ZNF362: variants seen among roughly 807,000 people sequenced by gnomAD.
ZNF362 encodes the protein rotund homolog.
Under a neutral mutation model 42.9 loss-of-function variants are expected in ZNF362, and 11 were observed. The ratio of observed to expected loss-of-function variants is 0.26; its 90% CI spans 0.16 to 0.42. The LOEUF is 0.42. Ranked by LOEUF, ZNF362 falls within the 20% of genes least tolerant of loss-of-function variation. The probability of loss-of-function intolerance (pLI) is 1.00; values close to 1 mark genes in which losing one functional copy is unlikely to be tolerated. For missense variants in ZNF362, 362 were observed against 576.2 expected (o/e 0.63, Z 3.81); for synonymous variants, 255 against 257.3 (o/e 0.99, Z 0.09).
At chr1:33,261,570 C>T (rs539335391) in intron 1 of ZNF362, 5 of 152,302 alleles carry the variant, frequency 3.3e-5, no homozygotes, top group African/African-American at 1.2e-4. Context: ...TTCTGAGTTC[C>T]TATCTCTTTA....
At chr1:33,198,267 C>G in the ZNF362 span, among the ~76,000 whole-genome samples, 1 of 152,054 alleles carries the variant, frequency 6.6e-6, no homozygotes, top group Non-Finnish European at 1.5e-5. Context: ...TAAATCCTAG[C>G]ACTTTGGGAG....
At chr1:33,250,859 G>GAAGAAGAA in the ZNF362 span, among the ~76,000 whole-genome samples, 1 of 141,656 alleles carries the variant, frequency 7.1e-6, no homozygotes, top group African/African-American at 2.7e-5. Flanking sequence ...GAAGGAAGAA[G>GAAGAAGAA]AAGAAGAAGA....
the ZNF362 span, among the ~76,000 whole-genome samples, chr1:33,238,132 C>T: frequency 6.6e-6 from 1 of 151,952 alleles, no homozygotes; most frequent in South Asian, 2.1e-4. Context: ...GCCTGGCCAA[C>T]ATAGTGAAAC....
chr1:33,144,868 C>T, the ZNF362 span, among the ~76,000 whole-genome samples: 680 of 152,332 alleles, frequency 4.5e-3, 6 homozygotes, highest in African/African-American at 0.015. Flanking sequence ...ACCCATACAG[C>T]TCCAGGCACT....
At chr1:33,276,271 C>T (rs1433024898) in intron 3 of ZNF362, 77 bp from the exon 4 acceptor site, 27 of 1,561,712 alleles carry the variant, frequency 1.7e-5, no homozygotes, top group East Asian at 6.9e-5. Context: ...GCGAGGGGCT[C>T]GCGGGTGGAC....
chr1:33,298,283 G>C (rs1253609837), intron 8 of ZNF362, among the ~76,000 whole-genome samples: 2 of 152,212 alleles, frequency 1.3e-5, no homozygotes, highest in African/African-American at 4.8e-5. Context: ...CCAGGAGGTT[G>C]AGGCTGTGGT....
At chr1:33,249,446 C>T in the ZNF362 span, among the ~76,000 whole-genome samples, 1 of 152,204 alleles carries the variant, frequency 6.6e-6, no homozygotes, top group Non-Finnish European at 1.5e-5. Context: ...TCCTGCTCAG[C>T]TCATGGACAG....
the ZNF362 span, among the ~76,000 whole-genome samples, chr1:33,186,203 C>CT: frequency 6.6e-6 from 1 of 152,144 alleles, no homozygotes; most frequent in African/African-American, 2.4e-5. Flanking sequence ...AAGGGACACC[C>CT]TGCCTTCTTG....
the ZNF362 span, among the ~76,000 whole-genome samples, chr1:33,236,502 C>T: frequency 3.6e-5 from 4 of 110,712 alleles, no homozygotes; most frequent in Non-Finnish European, 7.1e-5. Context: ...TAGCCTCCAG[C>T]CTGGGTGACA....
intron 6 of ZNF362, among the ~76,000 whole-genome samples, chr1:33,285,588 G>C (rs1420559575): frequency 6.6e-6 from 1 of 152,056 alleles, no homozygotes; most frequent in Non-Finnish European, 1.5e-5. Context: ...CATTAGATTA[G>C]GTTTTTTTGG....
chr1:33,294,912 G>A lies in ZNF362; in HGVS notation c.909-25G>A, dbSNP rs931679086. On this transcript the variant is annotated intron_variant, in intron 6 of 8. Coordinates refer to ENST00000539719, the MANE Select transcript of ZNF362 (RefSeq NM_152493.3). This position sits in a 1 kb window ranked among gnomAD's most constrained non-coding sequence, Gnocchi z 4.2. The stretch of plus-strand genomic sequence containing the variant: ...TCTTGGGGTGTGTGTCAGGGACTTC[G>A]ACCTTACTGGGCTGCCCATTACAGA... 7.4e-6 allele frequency: 12 copies of A among 1,613,714 alleles called. No individual in the cohort carries two copies. Among genetic ancestry groups the A allele is most frequent in the East Asian group, 2.2e-5 (1 of 44,872 alleles).
the ZNF362 span, among the ~76,000 whole-genome samples, chr1:33,250,111 C>G: frequency 2.0e-5 from 3 of 152,118 alleles, no homozygotes; most frequent in African/African-American, 7.2e-5. Context: ...CATACAGCAC[C>G]CACTATGCAC....
At chr1:33,291,496 C>T (rs28880434) in intron 6 of ZNF362, among the ~76,000 whole-genome samples, 25,736 of 152,166 alleles carry the variant, frequency 0.17, 2,702 homozygotes, top group South Asian at 0.26. Context: ...AGTCAGGTAG[C>T]GTGATGCTTC....
At chr1:33,227,484 T>A in the ZNF362 span, among the ~76,000 whole-genome samples, 1 of 152,142 alleles carries the variant, frequency 6.6e-6, no homozygotes, top group East Asian at 1.9e-4. Flanking sequence ...CATTCCCAGC[T>A]AAGCCCAGCC....
chr1:33,195,141 A>G, the ZNF362 span: 1 of 152,256 alleles, frequency 6.6e-6, no homozygotes, highest in Non-Finnish European at 1.5e-5. Flanking sequence ...GTGGACTAAT[A>G]CCTTTGAAGT....
At position 33,264,172 on chromosome 1, in the gene ZNF362, C is replaced by T. The variant is rs985174083; in HGVS notation, c.-88-6315C>T. Among the ~76,000 whole-genome samples, 4 of 152,204 alleles carry T rather than the reference C, an allele frequency of 2.6e-5. No homozygotes were observed. In the East Asian group the frequency reaches 5.8e-4, roughly 22 times the overall value. On this transcript the variant is annotated intron_variant, in intron 1 of 8. Coordinates refer to ENST00000539719, the MANE Select transcript of ZNF362 (RefSeq NM_152493.3). The stretch of plus-strand genomic sequence containing the variant: ...CCCCTGAGACCTGTCTAGAAAGCTC[C>T]TGGGGGCCGGGCCAGAGCCAGGGTC...
chr1:33,191,248 A>C, the ZNF362 span, among the ~76,000 whole-genome samples: 3 of 152,146 alleles, frequency 2.0e-5, no homozygotes, highest in Admixed American at 2.0e-4. Flanking sequence ...TGTAGTTTCT[A>C]CCTCCTGATT....
rs1645994130 is a variant in ZNF362 at position 33,281,509 on chromosome 1, C to G, written c.684-78C>G. 1 of 1,411,242 alleles carries G rather than the reference C, an allele frequency of 7.1e-7. No homozygotes were observed. The highest frequency in any genetic ancestry group is 1.8e-5 in the Admixed American group (1 of 56,840). The allele number at this position is 1,411,242 out of a possible 1,614,324, so 87.4% of individuals were successfully genotyped here. ...GAAAGACCTGTCCCAGGTGCAAGGT[C>G]TCTCTGATGTAGAAGGCCTCCCCTG... On this transcript the variant is annotated intron_variant, in intron 5 of 8. Coordinates refer to ENST00000539719, the MANE Select transcript of ZNF362 (RefSeq NM_152493.3). This position sits in a 1 kb window ranked among gnomAD's most constrained non-coding sequence, Gnocchi z 4.8.
chr1:33,287,061 A>G (rs1646038122), intron 6 of ZNF362, among the ~76,000 whole-genome samples: 1 of 152,252 alleles, frequency 6.6e-6, no homozygotes, highest in African/African-American at 2.4e-5. Flanking sequence ...GCACAAGCAA[A>G]GTGAGGGACT....
Sources: gnomAD v4.1 joint callset for allele counts (sites outside exome capture counted in the v4.1 genomes callset) on GRCh38, gnomAD v4.1.1 for gene constraint, Gnocchi (gnomAD v3.1) non-coding constraint, MANE v1.5 for transcripts, NCBI Gene and HGNC (gene_info 2026-07-23, HGNC 2026-07-21) for gene names.